Variants in SGMS1 observed in about 807,000 individuals in gnomAD.
The protein encoded by SGMS1 is sphingomyelin synthase 1.
A neutral mutation model predicts 46.2 loss-of-function variants in SGMS1; 13 were observed. The ratio of observed to expected loss-of-function variants is 0.28; its 90% CI spans 0.18 to 0.45. SGMS1 has a LOEUF of 0.45. Ranked by LOEUF, SGMS1 falls within the 20% of genes least tolerant of loss-of-function variation. SGMS1 has a pLI of 1.00. For missense variants in SGMS1, 324 were observed against 519.9 expected (o/e 0.62, Z 3.66); for synonymous variants, 203 against 187.8 (o/e 1.08, Z -0.66).
At chr10:50,365,255 C>CAAAAAAAAAAAAAAAAAAAGAAAAA (rs1848316413) in intron 6 of SGMS1, among the ~76,000 whole-genome samples, 1 of 45,026 alleles carries the variant, frequency 2.2e-5, no homozygotes, top group Non-Finnish European at 4.3e-5. Flanking sequence ...TCCATCTCAC[C>CAAAAAAAAAAAAAAAAAAAGAAAAA]AAAAAAAAAA....
chr10:50,611,107 G>A (rs150075746), intron 1 of SGMS1, among the ~76,000 whole-genome samples: 3 of 152,280 alleles, frequency 2.0e-5, no homozygotes, highest in African/African-American at 4.8e-5. Context: ...GACAACACAC[G>A]GCCAGAAAAC....
intron 2 of SGMS1, among the ~76,000 whole-genome samples, chr10:50,546,821 T>A (rs1379320444): frequency 6.6e-6 from 1 of 152,058 alleles, no homozygotes; most frequent in Non-Finnish European, 1.5e-5. Flanking sequence ...TGTATACATA[T>A]GTAACAAACC....
chr10:50,612,991 G>A (rs543050323), intron 1 of SGMS1, among the ~76,000 whole-genome samples: 1 of 152,272 alleles, frequency 6.6e-6, no homozygotes, highest in East Asian at 1.9e-4. Context: ...AAGTACTCTT[G>A]TAACTCCCCA....
chr10:50,316,660 G>C (rs764099504), intron 8 of SGMS1, among the ~76,000 whole-genome samples: 7 of 152,108 alleles, frequency 4.6e-5, no homozygotes, highest in Non-Finnish European at 1.0e-4. Flanking sequence ...TTCCCAAAGA[G>C]CAGTCTTCCT....
chr10:50,475,745 G>T (rs1344340343), intron 3 of SGMS1, among the ~76,000 whole-genome samples: 1 of 151,998 alleles, frequency 6.6e-6, no homozygotes, highest in Non-Finnish European at 1.5e-5. Flanking sequence ...TTGTTAAAAA[G>T]TGTGTAGCAT....
At position 50,604,392 on chromosome 10, in the gene SGMS1, C is replaced by T. The variant is rs1838675423; in HGVS notation, c.-683-14145G>A. On this transcript the variant is annotated intron_variant, in intron 1 of 10. Transcript: ENST00000361781. The stretch of plus-strand genomic sequence containing the variant: ...AGAACTATTAGGAAGATAAGAGAAC[C>T]AGAACTGTAGAGAGCCACCAAAAAT... Among the ~76,000 whole-genome samples the T allele has an allele frequency of 2.0e-5, 3 of 152,240 alleles. No homozygotes were observed. In the East Asian group the frequency reaches 5.8e-4, roughly 29 times the overall value.
At chr10:50,310,554 C>T (rs1463805881) in intron 9 of SGMS1, among the ~76,000 whole-genome samples, 1 of 151,928 alleles carries the variant, frequency 6.6e-6, no homozygotes, top group East Asian at 1.9e-4. Flanking sequence ...AACAATAATA[C>T]ACAAGTCCAA....
chr10:50,560,519 T>C (rs905808257), intron 2 of SGMS1, among the ~76,000 whole-genome samples: 1 of 143,870 alleles, frequency 7.0e-6, no homozygotes, highest in African/African-American at 2.5e-5. Context: ...TTACATATTA[T>C]ATAACACATA....
intron 3 of SGMS1, among the ~76,000 whole-genome samples, chr10:50,518,022 G>A (rs921352421): frequency 3.9e-5 from 6 of 152,168 alleles, no homozygotes; most frequent in Non-Finnish European, 7.4e-5. Context: ...CAGGGGAAAC[G>A]TAAGGATAGA....
intron 6 of SGMS1, among the ~76,000 whole-genome samples, chr10:50,400,117 C>T (rs1848911349): frequency 6.6e-6 from 1 of 151,424 alleles, no homozygotes; most frequent in African/African-American, 2.4e-5. Context: ...ATGGGTTTTA[C>T]ATGGTTGTTC....
chr10:50,427,096 C>T (rs1255826633), intron 6 of SGMS1, among the ~76,000 whole-genome samples: 6 of 152,176 alleles, frequency 3.9e-5, no homozygotes, highest in African/African-American at 1.4e-4. Context: ...AATGTATCAT[C>T]TGTGAAATCA....
At chr10:50,607,508 C>G (rs991261349) in intron 1 of SGMS1, among the ~76,000 whole-genome samples, 1 of 152,166 alleles carries the variant, frequency 6.6e-6, no homozygotes, top group Non-Finnish European at 1.5e-5. Flanking sequence ...GCAGTGAAAG[C>G]TAAGATGCAG....
rs116009805 is a variant in SGMS1 at position 50,576,554 on chromosome 10, C to T, written c.-589+13599G>A. Reference sequence around the variant, plus strand: ...ATAGATAGAATATTTCATTCATGCTCTGTCTGAAGAACAATTTTTCCCATA... The same window carrying T: ...ATAGATAGAATATTTCATTCATGCTTTGTCTGAAGAACAATTTTTCCCATA... On this transcript the variant is annotated intron_variant, in intron 2 of 10. Coordinates refer to ENST00000361781, the MANE Select transcript of SGMS1 (RefSeq NM_147156.4). Among the ~76,000 whole-genome samples the T allele has an allele frequency of 6.3e-3, 957 of 152,332 alleles. 6 individuals carry two copies. The highest frequency in any genetic ancestry group is 0.022 in the African/African-American group (910 of 41,588).
At chr10:50,443,533 G>C (rs1564915241) in intron 5 of SGMS1, among the ~76,000 whole-genome samples, 1 of 151,828 alleles carries the variant, frequency 6.6e-6, no homozygotes, top group Admixed American at 6.6e-5. Flanking sequence ...TGCCCACCTA[G>C]AATTCTATAT....
chr10:50,337,560 C>G (rs1847735857), intron 7 of SGMS1, among the ~76,000 whole-genome samples: 1 of 152,140 alleles, frequency 6.6e-6, no homozygotes, highest in Admixed American at 6.6e-5. Flanking sequence ...GGGTCATAAA[C>G]TACCTTTGGG....
intron 6 of SGMS1, among the ~76,000 whole-genome samples, chr10:50,345,852 T>C (rs958075521): frequency 2.0e-5 from 3 of 152,234 alleles, no homozygotes; most frequent in African/African-American, 7.2e-5. Context: ...CATAATATTG[T>C]ATAAAACAAC....
At chr10:50,488,052 TG>T (rs1837537402) in intron 3 of SGMS1, among the ~76,000 whole-genome samples, 1 of 151,608 alleles carries the variant, frequency 6.6e-6, no homozygotes, top group South Asian at 2.1e-4. Context: ...CTCACTCTAT[TG>T]CCCAGGCTGG....
chr10:50,547,412 C>T (rs949468205), intron 2 of SGMS1, among the ~76,000 whole-genome samples: 2 of 152,068 alleles, frequency 1.3e-5, no homozygotes, highest in Non-Finnish European at 2.9e-5. Context: ...TACTAAAAAC[C>T]ACCTCTGTGC....
chr10:50,614,993 A>G (rs1029650490), intron 1 of SGMS1, among the ~76,000 whole-genome samples: 3 of 152,256 alleles, frequency 2.0e-5, no homozygotes, highest in African/African-American at 7.2e-5. Context: ...TGATTCCGAC[A>G]TCTCTGCCAA....
Sources: allele counts gnomAD v4.1 joint callset (sites outside exome capture counted in the v4.1 genomes callset), GRCh38; gene constraint gnomAD v4.1.1; transcripts MANE v1.5; gene names NCBI Gene and HGNC (gene_info 2026-07-23, HGNC 2026-07-21).